MICU1: variants seen among roughly 807,000 people sequenced by gnomAD.
The protein encoded by MICU1 is mitochondrial calcium uptake 1.
In MICU1, 45 loss-of-function variants were observed where a neutral mutation model predicts 56.8. The observed-to-expected ratio is 0.79, with a 90% CI of 0.62 to 1.02. The LOEUF (loss-of-function observed/expected upper bound fraction) is 1.02. Among genes scored for constraint, MICU1 ranks in the 50% least tolerant of loss-of-function variants. The pLI is 0.00. For synonymous variants in MICU1, 186 were observed against 195.1 expected (o/e 0.95, Z 0.39); for missense variants, 504 against 587.1 (o/e 0.86, Z 1.46).
At chr10:72,511,064 T>C (rs1024693290) in intron 5 of MICU1, among the ~76,000 whole-genome samples, 5 of 152,244 alleles carry the variant, frequency 3.3e-5, no homozygotes, top group African/African-American at 1.2e-4. Flanking sequence ...TCTCCATTAA[T>C]AGGGAACAGC....
chr10:72,443,140 A>G (rs983903915), intron 8 of MICU1, among the ~76,000 whole-genome samples: 3 of 152,022 alleles, frequency 2.0e-5, no homozygotes, highest in Non-Finnish European at 2.9e-5. Context: ...AGCATTTTTC[A>G]TGTGTTTTTT....
intron 1 of MICU1, among the ~76,000 whole-genome samples, chr10:72,585,119 C>A (rs1248854612): frequency 6.7e-6 from 1 of 148,972 alleles, no homozygotes; most frequent in Admixed American, 6.7e-5. Flanking sequence ...ACAGAGTTTC[C>A]CTCTGTCCCC....
chr10:72,480,106 C>T (rs1866244282), intron 6 of MICU1, among the ~76,000 whole-genome samples: 1 of 152,144 alleles, frequency 6.6e-6, no homozygotes, highest in Admixed American at 6.6e-5. Context: ...AGATCAGAAG[C>T]TCTTTTAAAT....
chr10:72,428,078 T>C (rs1276073060), intron 8 of MICU1, among the ~76,000 whole-genome samples: 2 of 152,210 alleles, frequency 1.3e-5, no homozygotes, highest in African/African-American at 2.4e-5. Context: ...CAGGTCAGAC[T>C]GCCAGGAGTC....
chr10:72,534,785 A>G (rs1839582145), intron 4 of MICU1, among the ~76,000 whole-genome samples: 1 of 152,098 alleles, frequency 6.6e-6, no homozygotes, highest in African/African-American at 2.4e-5. Flanking sequence ...ATCTTCCAGA[A>G]GCCAGCCCTA....
chr10:72,377,245 A>G (rs1205609282), intron 10 of MICU1, among the ~76,000 whole-genome samples: 1 of 151,880 alleles, frequency 6.6e-6, no homozygotes, highest in Admixed American at 6.6e-5. Flanking sequence ...TCAGCCTCCC[A>G]AGTAGCTGGG....
At chr10:72,454,483 A>G (rs917132511) in intron 8 of MICU1, among the ~76,000 whole-genome samples, 5 of 144,750 alleles carry the variant, frequency 3.5e-5, no homozygotes, top group African/African-American at 1.3e-4. Flanking sequence ...AAAACAAAAA[A>G]ACAAAACTGT....
chr10:72,592,121 T>C (rs1362017179), intron 1 of MICU1, among the ~76,000 whole-genome samples: 1 of 147,776 alleles, frequency 6.8e-6, no homozygotes, highest in Non-Finnish European at 1.5e-5. Flanking sequence ...GCGATTCTCC[T>C]GCCTCAGCCT....
At chr10:72,454,036 A>G (rs1259752552) in intron 8 of MICU1, among the ~76,000 whole-genome samples, 2 of 151,312 alleles carry the variant, frequency 1.3e-5, no homozygotes, top group African/African-American at 4.9e-5. Context: ...GGATTTCGCC[A>G]TGTTGGCCAG....
At chr10:72,486,661 G>A (rs1201406366) in intron 6 of MICU1, among the ~76,000 whole-genome samples, 4 of 152,222 alleles carry the variant, frequency 2.6e-5, no homozygotes, top group East Asian at 1.9e-4. Flanking sequence ...TAATAGAGAC[G>A]GGGTTTTGCC....
chr10:72,516,058 AT>A (rs1186596970), intron 5 of MICU1, among the ~76,000 whole-genome samples: 6 of 152,242 alleles, frequency 3.9e-5, no homozygotes, highest in East Asian at 3.9e-4. Context: ...TATATAATAA[AT>A]GTAAAAGTGT....
intron 1 of MICU1, among the ~76,000 whole-genome samples, chr10:72,607,653 A>G (rs2132559757): frequency 6.6e-6 from 1 of 152,008 alleles, no homozygotes; most frequent in African/African-American, 2.4e-5. Context: ...AAAAAAAAAA[A>G]AAAGATAAGC....
chr10:72,526,216 C>T (rs1589308906), intron 5 of MICU1, among the ~76,000 whole-genome samples: 1 of 152,046 alleles, frequency 6.6e-6, no homozygotes, highest in African/African-American at 2.4e-5. Context: ...AAATCTGTAA[C>T]TAAAAATAAA....
At chr10:72,532,944 T>A in intron 5 of MICU1, 1 of 1,211,942 alleles carries the variant, frequency 8.3e-7, no homozygotes, top group South Asian at 1.5e-5. Flanking sequence ...GCAAAATCAG[T>A]TTTTACTAAC....
chr10:72,502,123 G>C (rs1172136430), intron 6 of MICU1, among the ~76,000 whole-genome samples: 2 of 150,442 alleles, frequency 1.3e-5, no homozygotes, highest in Non-Finnish European at 2.9e-5. Flanking sequence ...GAACACCTGT[G>C]AGTTCATTAA....
chr10:72,451,464 T>C (rs1245228583), intron 8 of MICU1, among the ~76,000 whole-genome samples: 1 of 151,870 alleles, frequency 6.6e-6, no homozygotes, highest in African/African-American at 2.4e-5. Context: ...AAATCTCCCA[T>C]AGCTCTCAAA....
intron 10 of MICU1, among the ~76,000 whole-genome samples, chr10:72,405,794 A>AG (rs1453262216): frequency 2.6e-5 from 4 of 152,150 alleles, no homozygotes; most frequent in Non-Finnish European, 5.9e-5. Context: ...AAAATACAGG[A>AG]GCCATTGATG....
intron 5 of MICU1, among the ~76,000 whole-genome samples, chr10:72,516,651 A>G (rs577157048): frequency 3.3e-5 from 5 of 152,142 alleles, no homozygotes; most frequent in Non-Finnish European, 7.3e-5. Flanking sequence ...TTTTCTGCAT[A>G]TGGCTAGTCA....
chr10:72,468,818 C>T (rs924126573), intron 8 of MICU1, among the ~76,000 whole-genome samples: 6 of 152,196 alleles, frequency 3.9e-5, no homozygotes, highest in African/African-American at 1.4e-4. Context: ...GTAGACTGTA[C>T]ATATTCCAGA....
Sources: gnomAD v4.1 joint callset for allele counts (sites outside exome capture counted in the v4.1 genomes callset) on GRCh38, gnomAD v4.1.1 for gene constraint, MANE v1.5 for transcripts, NCBI Gene and HGNC (gene_info 2026-07-23, HGNC 2026-07-21) for gene names.